The following WWTR1 variants were observed in gnomAD, a reference collection of about 807,000 sequenced individuals.
The protein encoded by WWTR1 is WW domain containing transcription regulator 1.
In WWTR1, 13 loss-of-function variants were observed where a neutral mutation model predicts 40.1. The observed-to-expected ratio is 0.32, with a 90% confidence interval of 0.21 to 0.52. The LOEUF (loss-of-function observed/expected upper bound fraction) is 0.52. Among genes scored for constraint, WWTR1 ranks in the 20% least tolerant of loss-of-function variants. The pLI is 0.97. For missense variants in WWTR1, 436 were observed against 523.1 expected (o/e 0.83, Z 1.63); for synonymous variants, 230 against 210.1 (o/e 1.09, Z -0.82).
intron 2 of WWTR1, among the ~76,000 whole-genome samples, chr3:149,639,386 T>C (rs1313546701): frequency 6.6e-6 from 1 of 152,008 alleles, no homozygotes; most frequent in Non-Finnish European, 1.5e-5. Context: ...TTAAAACTTT[T>C]TTATAGAGAT....
Position 149,564,336 on chromosome 3 carries a change from C to G in WWTR1, c.568+8528G>C, listed in dbSNP as rs187323169. 3.7e-3 allele frequency among the ~76,000 whole-genome samples: 563 copies of G among 152,316 alleles called. 2 individuals carry two copies. The highest frequency in any genetic ancestry group is 6.3e-3 in the Non-Finnish European group (430 of 68,022). On this transcript the variant is annotated intron_variant, in intron 3 of 6. Coordinates refer to ENST00000360632, the MANE Select transcript of WWTR1 (RefSeq NM_015472.6). ...CTGATCTTAGAGACTAGTGAATAATCTATTTGCCACAGGCAGACTTGCTCA... is the reference window on the plus strand; with the variant it reads ...CTGATCTTAGAGACTAGTGAATAATGTATTTGCCACAGGCAGACTTGCTCA...
At chr3:149,689,833 TGTG>T (rs1326107857) in intron 1 of WWTR1, among the ~76,000 whole-genome samples, 2 of 152,104 alleles carry the variant, frequency 1.3e-5, no homozygotes, top group African/African-American at 4.8e-5. Context: ...ACACTACAAT[TGTG>T]GTGTATAAAC....
intron 2 of WWTR1, among the ~76,000 whole-genome samples, chr3:149,586,705 G>A (rs1738446681): frequency 6.6e-6 from 1 of 152,138 alleles, no homozygotes; most frequent in Non-Finnish European, 1.5e-5. Flanking sequence ...TTGCCAGGGG[G>A]AACCAACCAC....
intron 1 of WWTR1, 163 bp from the exon 2 acceptor site, chr3:149,657,472 A>G: frequency 1.2e-6 from 1 of 827,876 alleles, no homozygotes; most frequent in Non-Finnish European, 1.8e-6. Context: ...CAGCGGTAAG[A>G]CCAGCAGGAT....
rs1459922346 is a variant in WWTR1 at position 149,657,012 on chromosome 3, C to G, written c.295G>C (p.Gly99Arg). 1 of 1,595,252 alleles carries G rather than the reference C, an allele frequency of 6.3e-7. No individual in the cohort carries two copies. Among genetic ancestry groups the G allele is most frequent in the Admixed American group, 1.7e-5 (1 of 58,722 alleles). Residue 99 changes from glycine (G) to arginine (R), a missense_variant, in exon 2 of 7, where the codon GGC (glycine) becomes CGC (arginine). Transcript: ENST00000360632. ...GCGGGGCTACCCGCAGCACCCGCGC[C>G]GGTGCCCAGCTGCAGGGACGCGGGC... ...SSPASLQLGTGAGAAGSPAQQ... is the reference protein window; with the variant it reads ...SSPASLQLGTRAGAAGSPAQQ...
intron 2 of WWTR1, among the ~76,000 whole-genome samples, chr3:149,651,992 A>ATTTTTTTTTTTTTTTTTTT (rs368845286): frequency 1.8e-4 from 17 of 93,698 alleles, no homozygotes; most frequent in East Asian, 3.7e-4. Flanking sequence ...CGCCCGGCTA[A>ATTTTTTTTTTTTTTTTTTT]TTTTTTTTTT....
intron 2 of WWTR1, among the ~76,000 whole-genome samples, chr3:149,640,738 G>T (rs1712124047): frequency 3.3e-5 from 5 of 151,742 alleles, no homozygotes. Flanking sequence ...ATACAGTTTG[G>T]ATCAGAGATA....
intron 2 of WWTR1, among the ~76,000 whole-genome samples, chr3:149,594,339 GA>G (rs1738874137): frequency 6.6e-6 from 1 of 151,826 alleles, no homozygotes; most frequent in Non-Finnish European, 1.5e-5. Flanking sequence ...TTTCTATGTC[GA>G]TTTTTTTTAA....
chr3:149,593,919 AT>A (rs1170753998), intron 2 of WWTR1, among the ~76,000 whole-genome samples: 1 of 152,178 alleles, frequency 6.6e-6, no homozygotes, highest in African/African-American at 2.4e-5. Context: ...AAGAGAAGAA[AT>A]TTGCATAAGG....
At chr3:149,717,521 C>A (rs984229857) in exon 5 of WWTR1, 1 of 152,078 alleles carries the variant, frequency 6.6e-6, no homozygotes, top group Non-Finnish European at 1.5e-5. Context: ...TGAACTGTTC[C>A]CCTAAGCTTC....
chr3:149,618,159 T>C (rs1386958021), intron 2 of WWTR1, among the ~76,000 whole-genome samples: 1 of 152,252 alleles, frequency 6.6e-6, no homozygotes, highest in Non-Finnish European at 1.5e-5. Flanking sequence ...GCCTGTGCTC[T>C]TTGCAGGCAT....
At chr3:149,658,199 TG>T (rs1713382581), upstream of WWTR1, 1 of 153,244 alleles carries the variant, frequency 6.5e-6, no homozygotes, top group African/African-American at 2.4e-5. Flanking sequence ...CTGGGCGTGA[TG>T]GGTACTTTAC....
At chr3:149,707,991 C>G (rs1034554989), upstream of WWTR1, among the ~76,000 whole-genome samples, 1 of 151,164 alleles carries the variant, frequency 6.6e-6, no homozygotes, top group Non-Finnish European at 1.5e-5. Context: ...CTGCCTGATT[C>G]CTTTGTCCTA....
intron 2 of WWTR1, among the ~76,000 whole-genome samples, chr3:149,647,537 G>A (rs1712604431): frequency 6.6e-6 from 1 of 152,152 alleles, no homozygotes; most frequent in East Asian, 1.9e-4. Context: ...CTGGGAACAA[G>A]CAGACTCAAA....
At chr3:149,645,939 T>C (rs1176954504) in intron 2 of WWTR1, among the ~76,000 whole-genome samples, 1 of 152,134 alleles carries the variant, frequency 6.6e-6, no homozygotes, top group East Asian at 1.9e-4. Flanking sequence ...TGTTCAGAAT[T>C]GAGATGTGCC....
At chr3:149,638,087 A>T (rs954811024) in intron 2 of WWTR1, among the ~76,000 whole-genome samples, 1 of 152,112 alleles carries the variant, frequency 6.6e-6, no homozygotes, top group African/African-American at 2.4e-5. Context: ...GTGGTGCTGT[A>T]TGCCTGTAAT....
intron 2 of WWTR1, among the ~76,000 whole-genome samples, chr3:149,612,983 T>C (rs952825469): frequency 2.6e-5 from 4 of 152,228 alleles, no homozygotes; most frequent in Non-Finnish European, 5.9e-5. Flanking sequence ...TCGTTAACTT[T>C]AGAACACGGT....
At chr3:149,668,520 A>G (rs1713929873) in intron 2 of WWTR1, among the ~76,000 whole-genome samples, 1 of 149,972 alleles carries the variant, frequency 6.7e-6, no homozygotes, top group South Asian at 2.1e-4. Context: ...AGGCAGGAGA[A>G]TCACTTGGGC....
intron 3 of WWTR1, among the ~76,000 whole-genome samples, chr3:149,566,905 C>T (rs1478188053): frequency 6.6e-6 from 1 of 151,734 alleles, no homozygotes; most frequent in Non-Finnish European, 1.5e-5. Context: ...GTGGATGGCA[C>T]ATCTTCAAAG....
Sources: allele counts gnomAD v4.1 joint callset (sites outside exome capture counted in the v4.1 genomes callset), GRCh38; gene constraint gnomAD v4.1.1; transcripts MANE v1.5; gene names NCBI Gene and HGNC (gene_info 2026-07-23, HGNC 2026-07-21).